Variants in STXBP6 observed in about 807,000 individuals in gnomAD.
STXBP6 encodes the protein syntaxin binding protein 6, also known as syntaxin-binding protein 6.
In STXBP6, 21 loss-of-function variants were observed where a neutral mutation model predicts 26.9. The ratio of observed to expected loss-of-function variants is 0.78; its 90% CI spans 0.55 to 1.12. The LOEUF is 1.12. STXBP6 is among the 50% of genes most tolerant of loss of function. The pLI is 0.00. For missense variants in STXBP6, 232 were observed against 257.9 expected (o/e 0.90, Z 0.69); for synonymous variants, 97 against 92.6 (o/e 1.05, Z -0.27).
chr14:24,848,631 AC>A (rs879873188), intron 4 of STXBP6, among the ~76,000 whole-genome samples: 1 of 152,006 alleles, frequency 6.6e-6, no homozygotes, highest in Non-Finnish European at 1.5e-5. Context: ...ACTAACTATA[AC>A]CCACCAGCTG....
chr14:24,871,341 T>C (rs188442504), intron 2 of STXBP6, among the ~76,000 whole-genome samples: 252 of 152,194 alleles, frequency 1.7e-3, no homozygotes, highest in African/African-American at 5.5e-3. Context: ...ACTATTAATA[T>C]TGGGTGATAG....
At chr14:25,005,952 T>C (rs1234553996) in intron 1 of STXBP6, among the ~76,000 whole-genome samples, 1 of 152,210 alleles carries the variant, frequency 6.6e-6, no homozygotes. Flanking sequence ...TTCAGAACTT[T>C]AGACATGAGG....
chr14:24,870,418 T>C (rs1156606344), intron 2 of STXBP6, among the ~76,000 whole-genome samples: 1 of 152,210 alleles, frequency 6.6e-6, no homozygotes. Context: ...TAACCGATTT[T>C]ACATGTACGG....
chr14:24,823,715 C>T (rs374478420), intron 4 of STXBP6, among the ~76,000 whole-genome samples: 6 of 152,154 alleles, frequency 3.9e-5, no homozygotes, highest in Admixed American at 6.5e-5. Flanking sequence ...TACTTCTATT[C>T]CATAATCAAT....
Position 25,049,084 on chromosome 14 carries a change from G to C in STXBP6, c.-33+794C>G. Reference sequence around the variant, plus strand: ...CCGGGGACTTTCTCCTAAAGAACAAGATGTCTTTCCAAATTCTCCACCTGC... The same window carrying C: ...CCGGGGACTTTCTCCTAAAGAACAACATGTCTTTCCAAATTCTCCACCTGC... On this transcript the variant is annotated intron_variant, in intron 1 of 5. Coordinates refer to ENST00000323944, the MANE Select transcript of STXBP6 (RefSeq NM_001394410.1). The surrounding 1 kb of genome is among the most constrained non-coding windows in gnomAD (Gnocchi z 5.6). 1 of 900,792 alleles carries C rather than the reference G, an allele frequency of 1.1e-6. No individual in the cohort carries two copies. The highest frequency in any genetic ancestry group is 1.3e-6 in the Non-Finnish European group (1 of 752,556). The allele number at this position is 900,792 out of a possible 1,614,324, so 55.8% of individuals were successfully genotyped here.
At chr14:24,904,401 T>G (rs1055314321) in intron 2 of STXBP6, among the ~76,000 whole-genome samples, 2 of 152,116 alleles carry the variant, frequency 1.3e-5, no homozygotes, top group Non-Finnish European at 2.9e-5. Flanking sequence ...ACGGGTATAG[T>G]TCTAGGAAAT....
intron 2 of STXBP6, among the ~76,000 whole-genome samples, chr14:24,859,150 C>CAGG (rs1429077345): frequency 8.5e-5 from 13 of 152,248 alleles, no homozygotes; most frequent in African/African-American, 3.1e-4. Context: ...ATGAGGCATG[C>CAGG]AGGAACCCCA....
intron 2 of STXBP6, among the ~76,000 whole-genome samples, chr14:24,877,088 A>G (rs1178405650): frequency 6.6e-6 from 1 of 152,234 alleles, no homozygotes; most frequent in African/African-American, 2.4e-5. Flanking sequence ...AATGCTAAGA[A>G]GTATGAGCTT....
At chr14:24,937,510 C>A (rs2072645127) in intron 2 of STXBP6, among the ~76,000 whole-genome samples, 1 of 152,124 alleles carries the variant, frequency 6.6e-6, no homozygotes, top group South Asian at 2.1e-4. Flanking sequence ...GCAGTTATGC[C>A]CAATCTGCAC....
Position 25,049,133 on chromosome 14 carries a change from A to T in STXBP6, c.-33+745T>A. 1.0e-6 allele frequency: 1 copy of T among 983,806 alleles called. No individual in the cohort carries two copies. Among genetic ancestry groups the T allele is most frequent in the Non-Finnish European group, 1.2e-6 (1 of 828,396 alleles). The allele number at this position is 983,806 out of a possible 1,614,324, so 60.9% of individuals were successfully genotyped here. A position where few individuals can be genotyped will look rare whatever the true frequency, so the allele number is the denominator to read the frequency against. ...GCAGGTCCTGTCCTCTGTGAAGATG[A>T]ACGGGGTGGGGTGGTGAGGTGGCGG... On this transcript the variant is annotated intron_variant, in intron 1 of 5. Coordinates refer to ENST00000323944, the MANE Select transcript of STXBP6 (RefSeq NM_001394410.1). The surrounding 1 kb of genome is among the most constrained non-coding windows in gnomAD (Gnocchi z 5.6).
intron 1 of STXBP6, among the ~76,000 whole-genome samples, chr14:24,993,116 T>C (rs1007620942): frequency 2.0e-5 from 3 of 152,204 alleles, no homozygotes; most frequent in Admixed American, 1.3e-4. Context: ...CAGTCATTTC[T>C]AAGACTTCAA....
intron 2 of STXBP6, among the ~76,000 whole-genome samples, chr14:24,885,242 G>A (rs937026715): frequency 2.6e-5 from 4 of 152,152 alleles, no homozygotes; most frequent in Admixed American, 6.5e-5. Flanking sequence ...CACCTGATAC[G>A]TTGGAATTGA....
chr14:24,965,065 AC>A (rs2073690192), intron 2 of STXBP6, among the ~76,000 whole-genome samples: 1 of 152,176 alleles, frequency 6.6e-6, no homozygotes, highest in Admixed American at 6.5e-5. Context: ...GTGTGATGCC[AC>A]CTAATATTCT....
intron 4 of STXBP6, among the ~76,000 whole-genome samples, chr14:24,830,168 G>A (rs2138897765): frequency 6.6e-6 from 1 of 152,162 alleles, no homozygotes; most frequent in African/African-American, 2.4e-5. Context: ...TAAGCAAGAG[G>A]CAGATTAGAT....
intron 1 of STXBP6, among the ~76,000 whole-genome samples, chr14:25,017,237 T>C (rs1369841807): frequency 6.6e-6 from 1 of 152,184 alleles, no homozygotes; most frequent in Non-Finnish European, 1.5e-5. Context: ...CCTATGTGGG[T>C]AGAACTTTGA....
At chr14:24,992,096 C>G (rs1430375731) in intron 1 of STXBP6, among the ~76,000 whole-genome samples, 2 of 152,330 alleles carry the variant, frequency 1.3e-5, no homozygotes, top group African/African-American at 2.4e-5. Context: ...AGATTCTGAG[C>G]TACCGAAGAA....
chr14:24,847,921 C>T (rs2069019586), intron 4 of STXBP6, among the ~76,000 whole-genome samples: 1 of 152,136 alleles, frequency 6.6e-6, no homozygotes, highest in South Asian at 2.1e-4. Flanking sequence ...ACACAATCAG[C>T]ATTCTATAAA....
intron 2 of STXBP6, 151 bp from the exon 3 acceptor site, chr14:24,857,308 G>T: frequency 9.9e-7 from 1 of 1,011,078 alleles, no homozygotes; most frequent in Non-Finnish European, 1.5e-6. Context: ...ATAAATATGT[G>T]TGCCTTTGGT....
At chr14:24,863,666 G>A (rs1042429563) in intron 2 of STXBP6, among the ~76,000 whole-genome samples, 10 of 152,214 alleles carry the variant, frequency 6.6e-5, no homozygotes, top group African/African-American at 2.4e-4. Context: ...TATTCTAGCA[G>A]CATCTCTCTT....
Sources: allele counts gnomAD v4.1 joint callset (sites outside exome capture counted in the v4.1 genomes callset), GRCh38; gene constraint gnomAD v4.1.1; non-coding constraint Gnocchi (gnomAD v3.1); transcripts MANE v1.5; gene names NCBI Gene and HGNC (gene_info 2026-07-23, HGNC 2026-07-21).